Variants in TERB2 observed in about 807,000 individuals in gnomAD.
The protein encoded by TERB2 is telomere repeat binding bouquet formation protein 2, also known as telomere repeats-binding bouquet formation protein 2.
In TERB2, 26 loss-of-function variants were observed where a neutral mutation model predicts 29.8. That is an observed-to-expected ratio of 0.87 (90% CI 0.64 to 1.21). TERB2 has a LOEUF of 1.21. Among genes scored for constraint, TERB2 ranks in the 50% most tolerant of loss-of-function variants. TERB2 has a pLI of 0.00. For missense variants in TERB2, 240 were observed against 268.6 expected, an observed-to-expected ratio of 0.89 and a Z score of 0.74; for synonymous variants, 80 against 90.8, an observed-to-expected ratio of 0.88 and a Z score of 0.68.
intron 5 of TERB2, 121 bp downstream of exon 5, chr15:44,966,364 C>A: frequency 4.3e-6 from 2 of 465,176 alleles, no homozygotes; most frequent in South Asian, 9.0e-5. Context: ...TATAATCATT[C>A]CCATTATACA....
At chr15:44,971,980 G>A (rs980462756) in intron 5 of TERB2, among the ~76,000 whole-genome samples, 243 of 121,888 alleles carry the variant, frequency 2.0e-3, no homozygotes, top group Non-Finnish European at 3.3e-3. Flanking sequence ...TGAAATAGAA[G>A]CTTTTTTTTT....
At chr15:44,963,263 A>G (rs1361226811) in intron 4 of TERB2, among the ~76,000 whole-genome samples, 1 of 152,260 alleles carries the variant, frequency 6.6e-6, no homozygotes, top group Non-Finnish European at 1.5e-5. Flanking sequence ...CTTAGCAAAC[A>G]GCATCACCAA....
In TERB2 at chr15:44,972,707, G is replaced by C. The variant is rs1415162350; in HGVS notation, c.435-1160G>C. Among the ~76,000 whole-genome samples the C allele has an allele frequency of 2.0e-5, 3 of 151,268 alleles. No homozygotes were observed. In the South Asian group the frequency reaches 6.3e-4, roughly 32 times the overall value. On this transcript the variant is annotated intron_variant, in intron 5 of 6. Transcript: ENST00000340827. ...ATTTTTGTATTTTTAGTAGAGACAG[G>C]GTTTCACCATGTTGGCCAGGGTGGT...
chr15:44,966,532 T>C (rs1233624260), intron 5 of TERB2, among the ~76,000 whole-genome samples: 2 of 152,182 alleles, frequency 1.3e-5, no homozygotes, highest in African/African-American at 2.4e-5. Flanking sequence ...TAGAATACTA[T>C]ACTATCTCAT....
chr15:44,958,542 T>C (rs1358955962), intron 3 of TERB2, 30 bp downstream of exon 3: 4 of 1,574,734 alleles, frequency 2.5e-6, no homozygotes, highest in Non-Finnish European at 3.5e-6. Flanking sequence ...CCAATCCCTG[T>C]CAGACAGCCA....
At chr15:44,966,399 A>C (rs1373605137) in intron 5 of TERB2, among the ~76,000 whole-genome samples, 156 bp downstream of exon 5, 1 of 152,204 alleles carries the variant, frequency 6.6e-6, no homozygotes, top group Non-Finnish European at 1.5e-5. Flanking sequence ...ATGATTAGAA[A>C]GATAAGCAAT....
chr15:44,962,650 GA>G (rs1184872519), intron 4 of TERB2, among the ~76,000 whole-genome samples: 1 of 152,090 alleles, frequency 6.6e-6, no homozygotes, highest in Non-Finnish European at 1.5e-5. Flanking sequence ...ACAAGAAGAA[GA>G]AAAGTGTACA....
intron 4 of TERB2, among the ~76,000 whole-genome samples, chr15:44,965,493 G>C (rs1460578653): frequency 1.4e-5 from 2 of 138,452 alleles, no homozygotes; most frequent in Non-Finnish European, 3.1e-5. Context: ...TATTTATATA[G>C]ATATATATTA....
Position 44,973,896 on chromosome 15 carries a change from T to G in TERB2, c.464T>G (p.Val155Gly). The change falls in exon 6 of 7, where the codon GTT (valine) becomes GGT (glycine). Residue 155 changes from valine (V) to glycine (G), a missense_variant. Transcript: ENST00000340827. ...SPEKHFIRTP[V>G]VEKQMYFPLQ... ...GAAAAGCATTTTATAAGAACTCCAG[T>G]TGTAGAAAAGCAGATGTACTTCCCT... 6.3e-7 allele frequency: 1 copy of G among 1,599,858 alleles called. No individual in the cohort carries two copies. Among genetic ancestry groups the G allele is most frequent in the East Asian group, 2.3e-5 (1 of 44,154 alleles).
intron 6 of TERB2, among the ~76,000 whole-genome samples, chr15:44,975,913 T>C (rs113650333): frequency 0.016 from 2,468 of 152,348 alleles, 20 homozygotes; most frequent in Middle Eastern, 0.031. Flanking sequence ...CAATTACTAA[T>C]AATTGTAAAT....
intron 5 of TERB2, among the ~76,000 whole-genome samples, chr15:44,968,945 AG>A (rs1286563001): frequency 1.3e-5 from 2 of 151,650 alleles, no homozygotes; most frequent in Non-Finnish European, 2.9e-5. Context: ...TGTGAGAGAG[AG>A]AGAGACAGGA....
At chr15:44,956,808 G>A in intron 1 of TERB2, 26 bp downstream of exon 1, 1 of 1,613,382 alleles carries the variant, frequency 6.2e-7, no homozygotes. Context: ...GAAGCAGCGG[G>A]TTAGGTGGTG....
At chr15:44,968,889 T>G (rs1018378392) in intron 5 of TERB2, among the ~76,000 whole-genome samples, 1 of 151,698 alleles carries the variant, frequency 6.6e-6, no homozygotes, top group Non-Finnish European at 1.5e-5. Context: ...TAAAGAGGAG[T>G]TTTTTTTCTT....
chr15:44,970,452 A>C (rs1891950831), intron 5 of TERB2: 1 of 205,442 alleles, frequency 4.9e-6, no homozygotes, highest in Non-Finnish European at 1.0e-5. Flanking sequence ...TGGGGTTTCC[A>C]GTTTTCTTAA....
chr15:44,974,729 TAAAAGAGCAA>T (rs1422450760), intron 6 of TERB2, among the ~76,000 whole-genome samples: 1 of 152,212 alleles, frequency 6.6e-6, no homozygotes, highest in Non-Finnish European at 1.5e-5. Flanking sequence ...AAATTGCTTT[TAAAAGAGCAA>T]TTTTTAAAGT....
At chr15:44,960,323 T>A (rs1025203330) in intron 3 of TERB2, among the ~76,000 whole-genome samples, 1 of 152,178 alleles carries the variant, frequency 6.6e-6, no homozygotes, top group South Asian at 2.1e-4. Flanking sequence ...GAATTTTACA[T>A]TTTCTAGTAG....
chr15:44,971,334 A>G (rs1891964607), intron 5 of TERB2, among the ~76,000 whole-genome samples: 1 of 152,188 alleles, frequency 6.6e-6, no homozygotes, highest in South Asian at 2.1e-4. Context: ...TGAAATGAGG[A>G]TATTGGTCTT....
At chr15:44,963,285 C>T (rs922992270) in intron 4 of TERB2, among the ~76,000 whole-genome samples, 1 of 152,078 alleles carries the variant, frequency 6.6e-6, no homozygotes, top group East Asian at 1.9e-4. Context: ...ATTGGAGCAA[C>T]CTTTCATTAT....
intron 6 of TERB2, among the ~76,000 whole-genome samples, chr15:44,975,326 TC>T (rs930234819): frequency 6.6e-6 from 1 of 152,054 alleles, no homozygotes; most frequent in African/African-American, 2.4e-5. Context: ...TCTTTTTTTA[TC>T]ATGCCCATCT....
Sources: gnomAD v4.1 joint callset for allele counts (sites outside exome capture counted in the v4.1 genomes callset) on GRCh38, gnomAD v4.1.1 for gene constraint, MANE v1.5 for transcripts, NCBI Gene and HGNC (gene_info 2026-07-23, HGNC 2026-07-21) for gene names.